SMARCA5: variants seen among roughly 807,000 people sequenced by gnomAD.
SMARCA5 encodes SNF2 related chromatin remodeling ATPase 5, also known as SWI/SNF-related matrix-associated actin-dependent regulator of chromatin subfamily A member 5.
Under a neutral mutation model 140.4 loss-of-function variants are expected in SMARCA5, and 18 were observed. The ratio of observed to expected loss-of-function variants is 0.13; its 90% CI spans 0.09 to 0.19. The LOEUF (loss-of-function observed/expected upper bound fraction) is 0.19. Ranked by LOEUF, SMARCA5 falls within the 10% of genes least tolerant of loss-of-function variation. SMARCA5 has a pLI of 1.00. For synonymous variants in SMARCA5, 449 were observed against 419.6 expected, an observed-to-expected ratio of 1.07 and a Z score of -0.86; for missense variants, 606 against 1,276.8, an observed-to-expected ratio of 0.47 and a Z score of 8.01.
intron 3 of SMARCA5, 74 bp from the exon 4 acceptor site, chr4:143,524,293 A>T (rs1737023898): frequency 2.0e-6 from 2 of 989,292 alleles, no homozygotes; most frequent in Admixed American, 2.5e-5. Context: ...CAGCCACTTG[A>T]CTATGATGTT....
intron 6 of SMARCA5, 145 bp downstream of exon 6, chr4:143,526,605 A>T (rs1024137413): frequency 1.1e-5 from 7 of 616,226 alleles, no homozygotes; most frequent in East Asian, 5.7e-5. Context: ...CTTGGTGGAT[A>T]AAAAACAGCA....
chr4:143,539,686 G>A lies in SMARCA5; in HGVS notation c.1771-677G>A, dbSNP rs1247879019. 4.6e-5 allele frequency among the ~76,000 whole-genome samples: 7 copies of A among 151,976 alleles called. No homozygotes were observed. In the East Asian group the frequency reaches 5.8e-4, roughly 13 times the overall value. ...CGAGTAGCTGGGATTACAGGTGTGC[G>A]CCACCACGCCTGACTAATTTTGTAT... On this transcript the variant is annotated intron_variant, in intron 13 of 23. Coordinates refer to ENST00000283131, the MANE Select transcript of SMARCA5 (RefSeq NM_003601.4).
rs1255801110 is a variant in SMARCA5, at chr4:143,513,903, C to T, written c.-22C>T. On this transcript the variant is annotated 5_prime_UTR_variant, in exon 1 of 24. Transcript: ENST00000283131. ...GCCGGACTCGGGCCTCTGGCAGCAG[C>T]GGGTGACGCAGACGGAACATCATGT... is the stretch of plus-strand genomic sequence containing the variant. 2.6e-6 allele frequency: 4 copies of T among 1,535,420 alleles called. No individual in the cohort carries two copies. Among genetic ancestry groups the T allele is most frequent in the East Asian group, 2.5e-5 (1 of 40,764 alleles).
chr4:143,549,838 A>G (rs1737606885), intron 22 of SMARCA5, among the ~76,000 whole-genome samples, 159 bp from the exon 23 acceptor site: 1 of 152,076 alleles, frequency 6.6e-6, no homozygotes, highest in Non-Finnish European at 1.5e-5. Flanking sequence ...TTTAATCTTC[A>G]TAGCATGAAT....
Position 143,554,365 on chromosome 4 carries a change from T to G in SMARCA5, c.*1181T>G, listed in dbSNP as rs183456237. The stretch of plus-strand genomic sequence containing the variant: ...TCGTGAATAAATATAACTTTTATAA[T>G]CCGTAAAGTGGTCTTTTCTTTCCAT... On this transcript the variant is annotated 3_prime_UTR_variant, in exon 24 of 24. Coordinates refer to ENST00000283131, the MANE Select transcript of SMARCA5 (RefSeq NM_003601.4). 1 of 152,324 alleles carries G rather than the reference T, an allele frequency of 6.6e-6. No individual in the cohort carries two copies. The highest frequency in any genetic ancestry group is 1.9e-4 in the East Asian group (1 of 5,192). The allele number at this position is 152,324 out of a possible 1,614,324, so 9.4% of individuals were successfully genotyped here.
intron 5 of SMARCA5, 54 bp from the exon 6 acceptor site, chr4:143,526,227 G>C (rs1310899912): frequency 2.2e-6 from 3 of 1,387,064 alleles, no homozygotes; most frequent in Non-Finnish European, 2.0e-6. Flanking sequence ...AGGTATAATT[G>C]TGAAATAATA....
intron 13 of SMARCA5, 70 bp downstream of exon 13, chr4:143,539,008 A>G (rs930051109): frequency 2.3e-6 from 3 of 1,324,846 alleles, no homozygotes; most frequent in African/African-American, 2.9e-5. Context: ...TAATTCTACA[A>G]ATATCAGTGA....
chr4:143,552,935 A>G (rs1473534887), intron 23 of SMARCA5, among the ~76,000 whole-genome samples, 184 bp from the exon 24 acceptor site: 1 of 105,642 alleles, frequency 9.5e-6, no homozygotes. Context: ...TGTAAGTAAA[A>G]TAAGTAGGTA....
At chr4:143,522,800 A>G (rs1375136072) in intron 3 of SMARCA5, among the ~76,000 whole-genome samples, 1 of 152,152 alleles carries the variant, frequency 6.6e-6, no homozygotes, top group Non-Finnish European at 1.5e-5. Context: ...ATTCTTTTCT[A>G]TTTTATTATT....
At position 143,547,841 on chromosome 4, in the gene SMARCA5, A is replaced by G. The variant is rs940183477; in HGVS notation, c.2773-87A>G. 5.6e-5 allele frequency: 43 copies of G among 773,376 alleles called. No individual in the cohort carries two copies. In the African/African-American group the frequency reaches 6.7e-4, roughly 12 times the overall value. 47.9% of individuals were successfully genotyped at this position (773,376 alleles called of 1,614,324 possible). ...AGAAAATTCTGATTTGAAATGCAAC[A>G]TTTTAGCTAATTATACTAAAGCTGA... On this transcript the variant is annotated intron_variant, in intron 21 of 23. Coordinates refer to ENST00000283131, the MANE Select transcript of SMARCA5 (RefSeq NM_003601.4).
At chr4:143,526,251 C>T in intron 5 of SMARCA5, 30 bp from the exon 6 acceptor site, 1 of 1,567,532 alleles carries the variant, frequency 6.4e-7, no homozygotes, top group African/African-American at 1.4e-5. Context: ...TCATTTTTCA[C>T]TGCTTCATGG....
chr4:143,534,051 C>T (rs11730957), intron 9 of SMARCA5, among the ~76,000 whole-genome samples: 81,469 of 151,926 alleles, frequency 0.54, 22,175 homozygotes, highest in Middle Eastern at 0.64. Flanking sequence ...ACCGTTTTCC[C>T]AACGGCATGT....
intron 2 of SMARCA5, 75 bp from the exon 3 acceptor site, chr4:143,521,354 G>A: frequency 1.0e-6 from 1 of 977,964 alleles, no homozygotes; most frequent in South Asian, 1.6e-5. Flanking sequence ...ATTGTATGGA[G>A]GCATGCTGAA....
At chr4:143,544,322 T>C (rs936162055) in intron 16 of SMARCA5, 1 of 178,232 alleles carries the variant, frequency 5.6e-6, no homozygotes, top group African/African-American at 2.4e-5. Flanking sequence ...TAAGTAATAC[T>C]TGGTAATATA....
intron 14 of SMARCA5, among the ~76,000 whole-genome samples, chr4:143,542,985 T>A (rs1015365697): frequency 1.3e-5 from 2 of 152,094 alleles, no homozygotes; most frequent in Non-Finnish European, 2.9e-5. Flanking sequence ...CTCAAAAAAA[T>A]AAACGAATAA....
Position 143,555,140 on chromosome 4 carries a change from C to T in SMARCA5, c.*1956C>T. ...GCTACTGGAACTGCCTTAACCACTA[C>T]TGCTACTGGAACTGCCTTAGCCACC... On this transcript the variant is annotated 3_prime_UTR_variant, in exon 24 of 24. Coordinates refer to ENST00000283131, the MANE Select transcript of SMARCA5 (RefSeq NM_003601.4). 6 of 701,240 alleles carry T rather than the reference C, an allele frequency of 8.6e-6. No individual in the cohort carries two copies. The highest frequency in any genetic ancestry group is 8.2e-5 in the South Asian group (6 of 73,400). 43.4% of individuals were successfully genotyped at this position (701,240 alleles called of 1,614,324 possible). A position where few individuals can be genotyped will look rare whatever the true frequency, so the allele number is the denominator to read the frequency against.
chr4:143,524,321 T>G (rs776603082), intron 3 of SMARCA5, 46 bp from the exon 4 acceptor site: 1 of 1,386,390 alleles, frequency 7.2e-7, no homozygotes, highest in African/African-American at 1.5e-5. Flanking sequence ...TAGCTGATAA[T>G]TAAAGCCAAA....
intron 21 of SMARCA5, 32 bp downstream of exon 21, chr4:143,547,535 ATAAAATAAC>A (rs1560821958): frequency 9.3e-7 from 1 of 1,070,470 alleles, no homozygotes; most frequent in Non-Finnish European, 1.5e-6. Flanking sequence ...TAGGTAGTTA[ATAAAATAAC>A]TCCTAGCTGT....
chr4:143,537,178 C>T (rs1337226008), intron 11 of SMARCA5, among the ~76,000 whole-genome samples: 2 of 152,106 alleles, frequency 1.3e-5, no homozygotes, highest in Non-Finnish European at 2.9e-5. Flanking sequence ...TTAAATTACA[C>T]GAATGCAGAA....
Sources: allele counts gnomAD v4.1 joint callset (sites outside exome capture counted in the v4.1 genomes callset), GRCh38; gene constraint gnomAD v4.1.1; transcripts MANE v1.5; gene names NCBI Gene and HGNC (gene_info 2026-07-23, HGNC 2026-07-21).